Variants in LUZP2 observed in about 807,000 individuals in gnomAD.
The protein encoded by LUZP2 is leucine zipper protein 2.
In LUZP2, 52 loss-of-function variants were observed where a neutral mutation model predicts 51.6. The observed-to-expected ratio is 1.01, with a 90% CI of 0.81 to 1.27. LUZP2 has a LOEUF of 1.27. Ranked by LOEUF, LUZP2 falls within the 50% of genes most tolerant of loss-of-function variation. The pLI is 0.00. For missense variants in LUZP2, 436 were observed against 395.4 expected (o/e 1.10, Z -0.87); for synonymous variants, 154 against 137.3 (o/e 1.12, Z -0.85).
At chr11:24,586,637 T>A (rs1853076964) in intron 1 of LUZP2, among the ~76,000 whole-genome samples, 1 of 152,026 alleles carries the variant, frequency 6.6e-6, no homozygotes, top group Non-Finnish European at 1.5e-5. Context: ...CAAGTGACCT[T>A]GTTTTGGATT....
intron 10 of LUZP2, among the ~76,000 whole-genome samples, chr11:25,065,043 A>G (rs1473305801): frequency 6.6e-6 from 1 of 152,078 alleles, no homozygotes; most frequent in Non-Finnish European, 1.5e-5. Flanking sequence ...AGTAAAAAAG[A>G]GAAACATGTT....
intron 1 of LUZP2, among the ~76,000 whole-genome samples, chr11:24,529,473 T>C (rs2133820669): frequency 6.6e-6 from 1 of 151,186 alleles, no homozygotes; most frequent in Middle Eastern, 3.4e-3. Flanking sequence ...TAGGGATTTC[T>C]GAGAAGGAAT....
intron 1 of LUZP2, among the ~76,000 whole-genome samples, chr11:24,500,075 G>A (rs959713471): frequency 6.6e-6 from 1 of 152,060 alleles, no homozygotes; most frequent in African/African-American, 2.4e-5. Context: ...CTTTTCTGAA[G>A]CAACTTTAGA....
In LUZP2 at chr11:24,971,210, C is replaced by G. The variant is rs199913471; in HGVS notation, c.523-5381C>G. Among the ~76,000 whole-genome samples, 9 of 152,210 alleles carry G rather than the reference C, an allele frequency of 5.9e-5. No individual in the cohort carries two copies. In the East Asian group the frequency reaches 1.7e-3, roughly 30 times the overall value. On this transcript the variant is annotated intron_variant, in intron 7 of 11. Coordinates refer to ENST00000336930, the MANE Select transcript of LUZP2 (RefSeq NM_001009909.4). ...TCATGGAAGACCATTTTTCCACGTA[C>G]CTGAGATGGGGTCGGGGAGGGGTTT...
At chr11:25,022,453 G>A (rs147681815) in intron 9 of LUZP2, among the ~76,000 whole-genome samples, 155 of 152,058 alleles carry the variant, frequency 1.0e-3, no homozygotes, top group Non-Finnish European at 1.8e-3. Context: ...AAGGCATTAG[G>A]GTTGTGGAAA....
chr11:24,815,608 G>A (rs780826981), intron 5 of LUZP2, among the ~76,000 whole-genome samples: 27 of 152,228 alleles, frequency 1.8e-4, no homozygotes, highest in Non-Finnish European at 3.5e-4. Flanking sequence ...CCAGCCTTTA[G>A]CCCCTTAAAG....
chr11:24,690,146 T>A (rs1312705478), intron 1 of LUZP2, among the ~76,000 whole-genome samples: 1 of 152,116 alleles, frequency 6.6e-6, no homozygotes, highest in Non-Finnish European at 1.5e-5. Flanking sequence ...TTTATAAGAT[T>A]TTAATTTTGT....
chr11:24,660,818 C>T lies in LUZP2; in HGVS notation c.63-68351C>T, dbSNP rs940116021. ...AAACCTTATTTTTTTTTTACTTAGA[C>T]CACTTTCATAAAACAATGGGCTTCT... On this transcript the variant is annotated intron_variant, in intron 1 of 11. Transcript: ENST00000336930. Among the ~76,000 whole-genome samples, 14 of 151,726 alleles carry T rather than the reference C, an allele frequency of 9.2e-5. 1 individual carries two copies. The highest frequency in any genetic ancestry group is 8.3e-4 in the South Asian group (4 of 4,814).
At chr11:24,977,824 CTT>C (rs1375215062) in intron 8 of LUZP2, among the ~76,000 whole-genome samples, 1 of 151,094 alleles carries the variant, frequency 6.6e-6, no homozygotes, top group East Asian at 1.9e-4. Context: ...GCTTTTAACA[CTT>C]AATTCAGATA....
rs75339299 is a variant in LUZP2, at chr11:24,589,866, T to G, written c.62+92561T>G. Among the ~76,000 whole-genome samples the G allele has an allele frequency of 3.6e-4, 55 of 152,306 alleles. 1 individual carries two copies. In the East Asian group the frequency reaches 0.01, roughly 28 times the overall value. On this transcript the variant is annotated intron_variant, in intron 1 of 11. Coordinates refer to ENST00000336930, the MANE Select transcript of LUZP2 (RefSeq NM_001009909.4). The stretch of plus-strand genomic sequence containing the variant: ...TCATCTGATCCCAAACGGAACATTT[T>G]CAGTTCTAACACTGAATCTTAGGCA...
intron 5 of LUZP2, among the ~76,000 whole-genome samples, chr11:24,777,686 A>G (rs766499377): frequency 2.6e-5 from 4 of 152,088 alleles, no homozygotes; most frequent in Non-Finnish European, 5.9e-5. Context: ...TCTAAAAGCC[A>G]TGTGTCATAG....
At chr11:24,553,467 G>A (rs1459735904) in intron 1 of LUZP2, among the ~76,000 whole-genome samples, 1 of 151,928 alleles carries the variant, frequency 6.6e-6, no homozygotes, top group Admixed American at 6.6e-5. Flanking sequence ...CTGATAGAAT[G>A]GAAAAAGGTA....
chr11:24,893,481 T>A lies in LUZP2; in HGVS notation c.397-12510T>A, dbSNP rs1852920648. On this transcript the variant is annotated intron_variant, in intron 5 of 11. Coordinates refer to ENST00000336930, the MANE Select transcript of LUZP2 (RefSeq NM_001009909.4). ...ACCACTTTTATTATGCTATTTTGCA[T>A]AGAAAACTCTTTAGGGATATTAAAT... 3.3e-5 allele frequency: 5 copies of A among 152,046 alleles called. No individual in the cohort carries two copies. In the South Asian group the frequency reaches 1.0e-3, roughly 32 times the overall value. The allele number at this position is 152,046 out of a possible 1,614,324, so 9.4% of individuals were successfully genotyped here. A position where few individuals can be genotyped will look rare whatever the true frequency, so the allele number is the denominator to read the frequency against.
chr11:25,025,571 T>A (rs191534037), intron 9 of LUZP2, among the ~76,000 whole-genome samples: 15,174 of 152,070 alleles, frequency 0.1, 1,864 homozygotes, highest in African/African-American at 0.29. Context: ...ATCAGAGAAA[T>A]GCAAATCAAA....
chr11:24,984,549 T>TATATATATATAA (rs60530495), intron 9 of LUZP2, among the ~76,000 whole-genome samples: 14,397 of 71,248 alleles, frequency 0.2, 1,785 homozygotes, highest in East Asian at 0.34. Context: ...TATATATATA[T>TATATATATATAA]AATTGTGAAT....
chr11:24,552,881 A>T (rs545753949), intron 1 of LUZP2, among the ~76,000 whole-genome samples: 214 of 151,720 alleles, frequency 1.4e-3, no homozygotes, highest in African/African-American at 5.0e-3. Context: ...TAACCAATAA[A>T]AATTTCATTG....
chr11:24,941,721 T>C (rs1394482377), intron 7 of LUZP2, among the ~76,000 whole-genome samples: 1 of 152,186 alleles, frequency 6.6e-6, no homozygotes, highest in Non-Finnish European at 1.5e-5. Flanking sequence ...AAATTCAATG[T>C]ATTTAAATTT....
intron 10 of LUZP2, among the ~76,000 whole-genome samples, chr11:25,072,107 A>G (rs921514231): frequency 6.6e-6 from 1 of 152,066 alleles, no homozygotes; most frequent in Non-Finnish European, 1.5e-5. Context: ...TTCCCCTGAT[A>G]GATAATTAGT....
intron 7 of LUZP2, among the ~76,000 whole-genome samples, chr11:24,932,157 T>C (rs181700311): frequency 6.6e-6 from 1 of 152,306 alleles, no homozygotes; most frequent in Admixed American, 6.5e-5. Context: ...CCAATGGAGG[T>C]AGCAGTGAAG....
Sources: allele counts gnomAD v4.1 joint callset (sites outside exome capture counted in the v4.1 genomes callset), GRCh38; gene constraint gnomAD v4.1.1; transcripts MANE v1.5; gene names NCBI Gene and HGNC (gene_info 2026-07-23, HGNC 2026-07-21).